The following SLC24A3 variants were observed in gnomAD, a reference collection of about 807,000 sequenced individuals.
SLC24A3 encodes sodium/potassium/calcium exchanger 3.
Under a neutral mutation model 75.8 loss-of-function variants are expected in SLC24A3, and 28 were observed. The ratio of observed to expected loss-of-function variants is 0.37; its 90% CI spans 0.27 to 0.51. SLC24A3 has a LOEUF of 0.51. Among genes scored for constraint, SLC24A3 ranks in the 20% least tolerant of loss-of-function variants. SLC24A3 has a pLI of 0.94. For synonymous variants in SLC24A3, 372 were observed against 334.1 expected, an observed-to-expected ratio of 1.11 and a Z score of -1.24; for missense variants, 663 against 847.8, an observed-to-expected ratio of 0.78 and a Z score of 2.71.
At chr20:19,395,531 C>T (rs1986439149) in intron 2 of SLC24A3, among the ~76,000 whole-genome samples, 1 of 152,192 alleles carries the variant, frequency 6.6e-6, no homozygotes, top group South Asian at 2.1e-4. Flanking sequence ...TCTGACAGTT[C>T]TGTAGGCATG....
At chr20:19,410,150 T>C (rs958386430) in intron 2 of SLC24A3, among the ~76,000 whole-genome samples, 2 of 152,070 alleles carry the variant, frequency 1.3e-5, no homozygotes, top group Non-Finnish European at 2.9e-5. Context: ...GAAGGAACCA[T>C]GTAACAAAGC....
intron 2 of SLC24A3, among the ~76,000 whole-genome samples, chr20:19,337,703 A>G (rs1985167679): frequency 1.3e-5 from 2 of 152,142 alleles, no homozygotes; most frequent in African/African-American, 2.4e-5. Context: ...AGCATTTACT[A>G]TGGCTTATGA....
intron 2 of SLC24A3, among the ~76,000 whole-genome samples, chr20:19,399,024 T>C (rs991991654): frequency 6.6e-6 from 1 of 152,194 alleles, no homozygotes; most frequent in African/African-American, 2.4e-5. Flanking sequence ...TTTGGTAGTT[T>C]GTTCAGAAAT....
At chr20:19,230,153 G>A (rs1981978785) in intron 1 of SLC24A3, among the ~76,000 whole-genome samples, 2 of 151,898 alleles carry the variant, frequency 1.3e-5, no homozygotes, top group African/African-American at 2.4e-5. Flanking sequence ...GAAAGAGAAG[G>A]TCCAGGCCGG....
At chr20:19,310,247 G>A (rs112203405) in intron 2 of SLC24A3, among the ~76,000 whole-genome samples, 253 of 152,198 alleles carry the variant, frequency 1.7e-3, no homozygotes, top group African/African-American at 5.9e-3. Flanking sequence ...GTGGCCTCAG[G>A]CCCAGAGGCA....
At chr20:19,293,622 C>G (rs1430172567) in intron 2 of SLC24A3, among the ~76,000 whole-genome samples, 1 of 146,984 alleles carries the variant, frequency 6.8e-6, no homozygotes, top group Non-Finnish European at 1.5e-5. Flanking sequence ...CACCACTGCA[C>G]TCCAACCTGG....
At chr20:19,462,284 T>TC (rs1987691346) in intron 2 of SLC24A3, among the ~76,000 whole-genome samples, 1 of 151,268 alleles carries the variant, frequency 6.6e-6, no homozygotes, top group African/African-American at 2.4e-5. Context: ...CTTTCTTTTT[T>TC]TTGCTCTCTC....
intron 2 of SLC24A3, among the ~76,000 whole-genome samples, chr20:19,480,709 T>A (rs1203391516): frequency 6.6e-6 from 1 of 150,512 alleles, no homozygotes; most frequent in Non-Finnish European, 1.5e-5. Flanking sequence ...TGTGTGCTGA[T>A]CTTGCAGAAA....
chr20:19,603,502 A>G (rs1280812724), intron 6 of SLC24A3, among the ~76,000 whole-genome samples: 1 of 152,154 alleles, frequency 6.6e-6, no homozygotes, highest in Non-Finnish European at 1.5e-5. Context: ...CTCCATAAAT[A>G]GTCCGGAATG....
At chr20:19,555,562 G>C (rs1287116809) in intron 3 of SLC24A3, among the ~76,000 whole-genome samples, 1 of 152,176 alleles carries the variant, frequency 6.6e-6, no homozygotes, top group Non-Finnish European at 1.5e-5. Flanking sequence ...GAGACTTAAA[G>C]AGATCTGCTT....
chr20:19,667,176 A>G (rs2032408487), intron 8 of SLC24A3, among the ~76,000 whole-genome samples: 1 of 152,222 alleles, frequency 6.6e-6, no homozygotes, highest in Admixed American at 6.5e-5. Context: ...CACATTGATG[A>G]TAAATGTTAC....
In SLC24A3 at chr20:19,497,509, C is replaced by T. The variant is rs563117014; in HGVS notation, c.272-17979C>T. Among the ~76,000 whole-genome samples, 12 of 152,262 alleles carry T rather than the reference C, an allele frequency of 7.9e-5. No homozygotes were observed. In the East Asian group the frequency reaches 2.1e-3, roughly 27 times the overall value. The stretch of plus-strand genomic sequence containing the variant: ...ATGTACTGTGAAATGTAATGCAATT[C>T]CACATGTTTTGCAGATGCTTGGTGC... On this transcript the variant is annotated intron_variant, in intron 2 of 16. Transcript: ENST00000328041.
At chr20:19,658,054 C>G (rs2032284692) in intron 7 of SLC24A3, among the ~76,000 whole-genome samples, 1 of 151,730 alleles carries the variant, frequency 6.6e-6, no homozygotes, top group Non-Finnish European at 1.5e-5. Flanking sequence ...CTGTCGGTGT[C>G]CTGAGGTTGT....
intron 1 of SLC24A3, among the ~76,000 whole-genome samples, chr20:19,242,927 T>C (rs1321270189): frequency 6.6e-6 from 1 of 152,258 alleles, no homozygotes; most frequent in African/African-American, 2.4e-5. Flanking sequence ...AGGTGTGCTG[T>C]AAACAATGCA....
rs144559316 is a variant in SLC24A3 at position 19,706,285 on chromosome 20, A to G, written c.1719+7605A>G. On this transcript the variant is annotated intron_variant, in intron 15 of 16. Coordinates refer to ENST00000328041, the MANE Select transcript of SLC24A3 (RefSeq NM_020689.4). ...AGATGGTGCAGTAAGCAAGACAGTC[A>G]GAGGCCTATGCTCCTGGACCTACAG... Among the ~76,000 whole-genome samples, 921 of 152,312 alleles carry G rather than the reference A, an allele frequency of 6.0e-3. 6 individuals carry two copies. The highest frequency in any genetic ancestry group is 0.021 in the African/African-American group (872 of 41,574).
In SLC24A3 at chr20:19,430,084, T is replaced by C. The variant is rs146731336; in HGVS notation, c.272-85404T>C. 1.7e-3 allele frequency among the ~76,000 whole-genome samples: 255 copies of C among 152,154 alleles called. 1 individual carries two copies. The highest frequency in any genetic ancestry group is 5.7e-3 in the African/African-American group (237 of 41,512). On this transcript the variant is annotated intron_variant, in intron 2 of 16. Coordinates refer to ENST00000328041, the MANE Select transcript of SLC24A3 (RefSeq NM_020689.4). ...AGAGGGAAGGAAGGAGGAAGGGATT[T>C]GGTTTGATCTTTCTTCCCCAGCCCC...
At chr20:19,499,685 A>G (rs569678972) in intron 2 of SLC24A3, among the ~76,000 whole-genome samples, 2 of 152,172 alleles carry the variant, frequency 1.3e-5, no homozygotes, top group Admixed American at 6.5e-5. Context: ...TTAGGATTTC[A>G]ACATATGAAT....
At chr20:19,526,480 A>G (rs1226958130) in intron 3 of SLC24A3, among the ~76,000 whole-genome samples, 2 of 152,204 alleles carry the variant, frequency 1.3e-5, no homozygotes, top group Non-Finnish European at 2.9e-5. Context: ...CATCTCTTCT[A>G]TGTTGGATCA....
At chr20:19,252,650 G>GGGGT (rs1555783958) in intron 1 of SLC24A3, among the ~76,000 whole-genome samples, 1 of 148,136 alleles carries the variant, frequency 6.8e-6, no homozygotes, top group Admixed American at 6.8e-5. Flanking sequence ...TGGCGGGGGG[G>GGGGT]GGTGCCTGTT....
Sources: allele counts gnomAD v4.1 joint callset (sites outside exome capture counted in the v4.1 genomes callset), GRCh38; gene constraint gnomAD v4.1.1; transcripts MANE v1.5; gene names NCBI Gene and HGNC (gene_info 2026-07-23, HGNC 2026-07-21).